Variants in SAMD5 observed in about 807,000 individuals in gnomAD.
The protein encoded by SAMD5 is sterile alpha motif domain-containing protein 5.
A neutral mutation model predicts 11.3 loss-of-function variants in SAMD5; 13 were observed. The ratio of observed to expected loss-of-function variants is 1.15; its 90% CI spans 0.75 to 1.83. The LOEUF (loss-of-function observed/expected upper bound fraction) is 1.83. SAMD5 is among the 40% of genes most tolerant of loss of function. The pLI, the probability that SAMD5 is intolerant of heterozygous loss-of-function variation, is 0.00. For synonymous variants in SAMD5, 129 were observed against 111.3 expected, an observed-to-expected ratio of 1.16 and a Z score of -1.00; for missense variants, 255 against 239.1, an observed-to-expected ratio of 1.07 and a Z score of -0.44.
At chr6:147,913,992 C>T in the SAMD5 span, among the ~76,000 whole-genome samples, 1 of 152,094 alleles carries the variant, frequency 6.6e-6, no homozygotes, top group African/African-American at 2.4e-5. Context: ...GGAACCAGGG[C>T]TCCCTGGAGA....
chr6:147,927,697 G>A, the SAMD5 span, among the ~76,000 whole-genome samples: 3 of 152,104 alleles, frequency 2.0e-5, no homozygotes, highest in Non-Finnish European at 4.4e-5. Context: ...GATTTCCAAT[G>A]CAATGTAGAA....
intron 1 of SAMD5, among the ~76,000 whole-genome samples, chr6:147,620,330 C>A (rs1234623539): frequency 2.0e-5 from 3 of 152,230 alleles, no homozygotes; most frequent in African/African-American, 7.2e-5. Context: ...CCCAGCCTTA[C>A]TCCCGTACGA....
chr6:147,737,330 G>A (rs1029154626), exon 2 of SAMD5: 13 of 1,246,498 alleles, frequency 1.0e-5, no homozygotes, highest in Admixed American at 2.5e-5. Context: ...TTATTATGCC[G>A]CTACCTTCAA....
intron 1 of SAMD5, among the ~76,000 whole-genome samples, chr6:147,662,252 T>C (rs1001096453): frequency 6.6e-6 from 1 of 152,226 alleles, no homozygotes; most frequent in Non-Finnish European, 1.5e-5. Context: ...GTCCATCCCA[T>C]TTTTTATTTA....
intron 1 of SAMD5, among the ~76,000 whole-genome samples, chr6:147,535,120 G>C (rs1788488805): frequency 6.6e-6 from 1 of 152,070 alleles, no homozygotes; most frequent in African/African-American, 2.4e-5. Flanking sequence ...TAAGGTATAG[G>C]CTATGAAGAC....
chr6:147,889,500 C>A, the SAMD5 span, among the ~76,000 whole-genome samples: 2 of 152,136 alleles, frequency 1.3e-5, no homozygotes, highest in Non-Finnish European at 2.9e-5. Flanking sequence ...TTTCCTGCTT[C>A]TTTATATGCT....
At chr6:147,676,483 A>T (rs1275064960) in intron 1 of SAMD5, among the ~76,000 whole-genome samples, 1 of 152,210 alleles carries the variant, frequency 6.6e-6, no homozygotes, top group Admixed American at 6.5e-5. Context: ...ACTTATTGGT[A>T]GAGTATGCTG....
intron 1 of SAMD5, among the ~76,000 whole-genome samples, chr6:147,611,408 GA>G (rs1262955263): frequency 3.3e-5 from 5 of 151,736 alleles, no homozygotes; most frequent in African/African-American, 4.8e-5. Flanking sequence ...ACTAAAAATA[GA>G]AAAATTAGCC....
the SAMD5 span, among the ~76,000 whole-genome samples, chr6:147,831,477 G>A: frequency 6.6e-6 from 1 of 152,210 alleles, no homozygotes; most frequent in African/African-American, 2.4e-5. Flanking sequence ...AGACTTATTG[G>A]ATTCTCTGTT....
chr6:147,894,308 G>A, the SAMD5 span, among the ~76,000 whole-genome samples: 1 of 152,008 alleles, frequency 6.6e-6, no homozygotes, highest in African/African-American at 2.4e-5. Context: ...ATTTTTAGTA[G>A]AGACGGGGTT....
the SAMD5 span, among the ~76,000 whole-genome samples, chr6:147,809,889 G>A: frequency 3.3e-5 from 5 of 152,112 alleles, no homozygotes; most frequent in African/African-American, 9.7e-5. Context: ...AATGTCCCCT[G>A]GGGGCAAAAC....
the SAMD5 span, among the ~76,000 whole-genome samples, chr6:147,884,972 A>G: frequency 6.6e-6 from 1 of 152,218 alleles, no homozygotes. Context: ...GTAGCTTCCA[A>G]TGTTGCTTTA....
chr6:147,592,459 G>C (rs1421091437), intron 1 of SAMD5, among the ~76,000 whole-genome samples: 1 of 152,040 alleles, frequency 6.6e-6, no homozygotes, highest in Non-Finnish European at 1.5e-5. Context: ...CAGAGGAAGA[G>C]GGGCATCTTG....
chr6:147,698,598 T>G (rs569945675), intron 1 of SAMD5, among the ~76,000 whole-genome samples: 1 of 152,188 alleles, frequency 6.6e-6, no homozygotes, highest in Non-Finnish European at 1.5e-5. Flanking sequence ...ATTTCATTCA[T>G]TCATTCATCC....
At chr6:147,868,876 C>A in the SAMD5 span, among the ~76,000 whole-genome samples, 1 of 152,184 alleles carries the variant, frequency 6.6e-6, no homozygotes, top group East Asian at 1.9e-4. Context: ...GCACAAATAA[C>A]TTTGCCCCTA....
chr6:147,810,458 G>T, the SAMD5 span, among the ~76,000 whole-genome samples: 1 of 152,134 alleles, frequency 6.6e-6, no homozygotes, highest in Admixed American at 6.5e-5. Context: ...CCCCAGTGAG[G>T]CAGCACAATT....
the SAMD5 span, among the ~76,000 whole-genome samples, chr6:147,935,378 C>G: frequency 1.3e-5 from 2 of 152,128 alleles, no homozygotes; most frequent in African/African-American, 4.8e-5. Context: ...GGCCAGTCCT[C>G]ATGGATTACT....
chr6:147,854,069 T>C, the SAMD5 span, among the ~76,000 whole-genome samples: 17 of 152,226 alleles, frequency 1.1e-4, no homozygotes, highest in African/African-American at 7.2e-5. Context: ...GGGTTTTTAA[T>C]ATGTAGCCTA....
the SAMD5 span, among the ~76,000 whole-genome samples, chr6:147,836,208 C>T: frequency 1.7e-4 from 26 of 152,318 alleles, no homozygotes; most frequent in East Asian, 4.6e-3. Flanking sequence ...CATCAATGAG[C>T]ATATGCCTCC....
Sources: gnomAD v4.1 joint callset for allele counts (sites outside exome capture counted in the v4.1 genomes callset) on GRCh38, gnomAD v4.1.1 for gene constraint, MANE v1.5 for transcripts, NCBI Gene and HGNC (gene_info 2026-07-23, HGNC 2026-07-21) for gene names.